The following PIP5K1B variants were observed in gnomAD, a reference collection of about 807,000 sequenced individuals.
PIP5K1B encodes the protein phosphatidylinositol-4-phosphate 5-kinase type 1 beta, also known as phosphatidylinositol 4-phosphate 5-kinase type-1 beta.
A neutral mutation model predicts 67.0 loss-of-function variants in PIP5K1B; 42 were observed. The observed-to-expected ratio is 0.63, with a 90% CI of 0.49 to 0.81. The LOEUF is 0.81. Among genes scored for constraint, PIP5K1B ranks in the 30% least tolerant of loss-of-function variants. The probability of loss-of-function intolerance (pLI) is 0.00; values close to 1 mark genes in which losing one functional copy is unlikely to be tolerated. For missense variants in PIP5K1B, 459 were observed against 646.3 expected, an observed-to-expected ratio of 0.71 and a Z score of 3.14; for synonymous variants, 214 against 231.4, an observed-to-expected ratio of 0.92 and a Z score of 0.68.
chr9:68,854,659 T>C (rs1234898234), intron 4 of PIP5K1B, among the ~76,000 whole-genome samples: 1 of 152,224 alleles, frequency 6.6e-6, no homozygotes, highest in African/African-American at 2.4e-5. Flanking sequence ...TAAACATGCC[T>C]TTGTCATGCC....
At chr9:68,960,938 C>T (rs1396386878) in intron 14 of PIP5K1B, among the ~76,000 whole-genome samples, 1 of 151,944 alleles carries the variant, frequency 6.6e-6, no homozygotes, top group Non-Finnish European at 1.5e-5. Flanking sequence ...CGGCCGGGCG[C>T]GGTGGCTCAC....
chr9:68,732,404 A>C (rs1828486556), intron 1 of PIP5K1B, among the ~76,000 whole-genome samples: 2 of 152,234 alleles, frequency 1.3e-5, no homozygotes, highest in Admixed American at 1.3e-4. Flanking sequence ...AAACTATATC[A>C]GTATTCATTT....
intron 11 of PIP5K1B, 48 bp downstream of exon 11, chr9:68,919,777 C>A: frequency 9.9e-7 from 1 of 1,011,682 alleles, no homozygotes; most frequent in South Asian, 1.4e-5. Context: ...TCTGCTTTCT[C>A]AGAGACTTCA....
intron 2 of PIP5K1B, among the ~76,000 whole-genome samples, chr9:68,770,476 A>G (rs1315099047): frequency 6.6e-6 from 1 of 152,162 alleles, no homozygotes; most frequent in Non-Finnish European, 1.5e-5. Context: ...TTGAGTATTG[A>G]CTTGGTTGTC....
intron 1 of PIP5K1B, among the ~76,000 whole-genome samples, chr9:68,739,337 A>G (rs1828891324): frequency 6.6e-6 from 1 of 152,168 alleles, no homozygotes. Context: ...ACATCTTCAT[A>G]CAATCTAGCC....
chr9:68,787,253 G>A (rs1484894072), intron 2 of PIP5K1B, among the ~76,000 whole-genome samples: 1 of 152,146 alleles, frequency 6.6e-6, no homozygotes, highest in East Asian at 1.9e-4. Flanking sequence ...TCTCACTGAC[G>A]ATGAGACCCA....
At chr9:68,942,196 CCTGT>C (rs150977798) in intron 14 of PIP5K1B, among the ~76,000 whole-genome samples, 59 of 152,240 alleles carry the variant, frequency 3.9e-4, no homozygotes, top group African/African-American at 1.3e-3. Context: ...AACGGCCTTT[CCTGT>C]CTGTTTGGTG....
intron 6 of PIP5K1B, among the ~76,000 whole-genome samples, chr9:68,884,808 C>T (rs1382122152): frequency 2.0e-5 from 3 of 151,778 alleles, no homozygotes; most frequent in Non-Finnish European, 4.4e-5. Context: ...TAAAAGATAA[C>T]AAGTGTTTGG....
chr9:68,765,351 T>C (rs117998181), intron 2 of PIP5K1B, among the ~76,000 whole-genome samples: 2,424 of 152,236 alleles, frequency 0.016, 37 homozygotes, highest in Non-Finnish European at 0.026. Flanking sequence ...GCTTATACTT[T>C]ACTGAAAATT....
chr9:68,781,584 G>A (rs906870128), intron 2 of PIP5K1B: 31 of 166,864 alleles, frequency 1.9e-4, no homozygotes, highest in Non-Finnish European at 3.2e-4. Context: ...AAGTGGATGG[G>A]AGGGGGAATG....
rs112302709 is a variant in PIP5K1B, at chr9:68,773,829, C to T, written c.-86+31172C>T. Among the ~76,000 whole-genome samples, 553 of 151,916 alleles carry T rather than the reference C, an allele frequency of 3.6e-3. 3 individuals carry two copies. Among genetic ancestry groups the T allele is most frequent in the African/African-American group, 0.012 (508 of 41,418 alleles). On this transcript the variant is annotated intron_variant, in intron 2 of 15. Coordinates refer to ENST00000265382, the MANE Select transcript of PIP5K1B (RefSeq NM_003558.4). Reference sequence around the variant, plus strand: ...TAGAGGGTGTCTGTACTTAACGGGCCCTCAATGATTATTTGCAAATTGAAT... The same window carrying T: ...TAGAGGGTGTCTGTACTTAACGGGCTCTCAATGATTATTTGCAAATTGAAT...
chr9:68,929,717 TG>T (rs1826897753), intron 12 of PIP5K1B, among the ~76,000 whole-genome samples: 8 of 152,362 alleles, frequency 5.3e-5, no homozygotes, highest in African/African-American at 1.9e-4. Context: ...TTGCCCAGGC[TG>T]GAGTACAGTG....
chr9:68,945,049 G>A (rs569888394), intron 14 of PIP5K1B, among the ~76,000 whole-genome samples: 218 of 150,074 alleles, frequency 1.5e-3, no homozygotes, highest in African/African-American at 5.3e-3. Flanking sequence ...CATGAGTTCT[G>A]GTCCTGTGTT....
intron 13 of PIP5K1B, chr9:68,935,770 G>A (rs1827233518): frequency 6.6e-6 from 1 of 151,822 alleles, no homozygotes; most frequent in Non-Finnish European, 1.5e-5. Context: ...TTTATTTTTT[G>A]GTACCCACTG....
At chr9:68,785,701 G>A (rs1831571756) in intron 2 of PIP5K1B, among the ~76,000 whole-genome samples, 1 of 152,222 alleles carries the variant, frequency 6.6e-6, no homozygotes, top group African/African-American at 2.4e-5. Context: ...GGATTCCAGA[G>A]CTGGGAGGTA....
chr9:68,865,940 G>A (rs370137958), intron 5 of PIP5K1B, among the ~76,000 whole-genome samples: 2 of 152,182 alleles, frequency 1.3e-5, no homozygotes, highest in African/African-American at 2.4e-5. Context: ...GTTATTACAC[G>A]ACTCTTACAA....
At chr9:68,827,806 T>C (rs1479197591) in intron 4 of PIP5K1B, among the ~76,000 whole-genome samples, 1 of 152,192 alleles carries the variant, frequency 6.6e-6, no homozygotes, top group African/African-American at 2.4e-5. Flanking sequence ...TTTGTTTGTT[T>C]GTTGTTTAAA....
intron 1 of PIP5K1B, among the ~76,000 whole-genome samples, chr9:68,738,595 G>A (rs1463939611): frequency 2.6e-5 from 4 of 152,322 alleles, no homozygotes; most frequent in South Asian, 4.1e-4. Flanking sequence ...GGGGTGGGGT[G>A]AAGTTAGTCA....
At chr9:68,726,266 C>T (rs1027495748) in intron 1 of PIP5K1B, among the ~76,000 whole-genome samples, 4 of 151,954 alleles carry the variant, frequency 2.6e-5, no homozygotes, top group Admixed American at 2.6e-4. Context: ...CTTCTATGTA[C>T]CAATGAAAAT....
Sources: allele counts gnomAD v4.1 joint callset (sites outside exome capture counted in the v4.1 genomes callset), GRCh38; gene constraint gnomAD v4.1.1; transcripts MANE v1.5; gene names NCBI Gene and HGNC (gene_info 2026-07-23, HGNC 2026-07-21).